Variants in IRF4 observed in about 807,000 individuals in gnomAD.
IRF4 encodes lymphocyte-specific interferon regulatory factor.
In IRF4, 13 loss-of-function variants were observed where a neutral mutation model predicts 55.5. The ratio of observed to expected loss-of-function variants is 0.23; its 90% CI spans 0.15 to 0.37. The LOEUF is 0.37. IRF4 is among the 10% of genes least tolerant of loss of function. The pLI, the probability that IRF4 is intolerant of heterozygous loss-of-function variation, is 1.00. For synonymous variants in IRF4, 249 were observed against 240.7 expected, an observed-to-expected ratio of 1.03 and a Z score of -0.32; for missense variants, 397 against 593.8, an observed-to-expected ratio of 0.67 and a Z score of 3.44.
intron 1 of IRF4, among the ~76,000 whole-genome samples, chr6:392,663 C>A (rs1453189423): frequency 1.3e-5 from 2 of 150,790 alleles, no homozygotes; most frequent in Non-Finnish European, 3.0e-5. Context: ...GTGGAGGCCG[C>A]CAGGGGAGTG....
At position 408,527 on chromosome 6, in the gene IRF4, A is replaced by G. The variant is rs992597476; in HGVS notation, c.*929A>G. The G allele has an allele frequency of 2.6e-5, 6 of 229,980 alleles. No individual in the cohort carries two copies. Among genetic ancestry groups the G allele is most frequent in the African/African-American group, 1.3e-4 (6 of 45,136 alleles). 14.2% of individuals were successfully genotyped at this position (229,980 alleles called of 1,614,324 possible). On this transcript the variant is annotated 3_prime_UTR_variant, in exon 9 of 9. Transcript: ENST00000380956. The stretch of plus-strand genomic sequence containing the variant: ...TCCTACAATCTAGTAATGTCTAAGT[A>G]ATGGTTAAGTTTTCTTGTTTCTGCA...
At position 393,859 on chromosome 6, in the gene IRF4, C is replaced by T. The variant is rs1308996339; in HGVS notation, c.216+491C>T. ...TGAGTCTCTCTCTCTCCATGTTTTT[C>T]CTGAGGTCAGCCTCTCTTCTCGCTC... On this transcript the variant is annotated intron_variant, in intron 2 of 8. Coordinates refer to ENST00000380956, the MANE Select transcript of IRF4 (RefSeq NM_002460.4). The surrounding 1 kb of genome is among the most constrained non-coding windows in gnomAD (Gnocchi z 5.4). 6.6e-6 allele frequency among the ~76,000 whole-genome samples: 1 copy of T among 152,064 alleles called. No individual in the cohort carries two copies. The highest frequency in any genetic ancestry group is 1.9e-4 in the East Asian group (1 of 5,186).
intron 8 of IRF4, among the ~76,000 whole-genome samples, chr6:405,872 T>C (rs189775852): frequency 1.3e-5 from 2 of 152,304 alleles, no homozygotes; most frequent in Admixed American, 1.3e-4. Context: ...CCTTAAGACT[T>C]TTGAATTTGA....
Position 393,122 on chromosome 6 carries a change from C to T in IRF4, c.-31C>T. ...GTGCAGAGCAGAGCGGGCGGAGGACCCCGGGCGCGGGCGCGGACGGCACGC... is the reference window on the plus strand; with the variant it reads ...GTGCAGAGCAGAGCGGGCGGAGGACTCCGGGCGCGGGCGCGGACGGCACGC... On this transcript the variant is annotated 5_prime_UTR_variant, in exon 2 of 9. Coordinates refer to ENST00000380956, the MANE Select transcript of IRF4 (RefSeq NM_002460.4). The surrounding 1 kb of genome is among the most constrained non-coding windows in gnomAD (Gnocchi z 5.4). 6.5e-7 allele frequency: 1 copy of T among 1,542,302 alleles called. No homozygotes were observed. The highest frequency in any genetic ancestry group is 8.8e-7 in the Non-Finnish European group (1 of 1,142,298).
intron 5 of IRF4, 50 bp downstream of exon 5, chr6:397,302 C>T: frequency 6.3e-7 from 1 of 1,599,232 alleles, no homozygotes; most frequent in African/African-American, 1.3e-5. Flanking sequence ...GCTAATGTGG[C>T]CATGGGCCAT....
Position 398,823 on chromosome 6 carries a change from T to C in IRF4, c.638-5T>C, listed in dbSNP as rs1761331300. The C allele has an allele frequency of 3.7e-6, 6 of 1,609,288 alleles. No individual in the cohort carries two copies. Among genetic ancestry groups the C allele is most frequent in the Non-Finnish European group, 5.1e-6 (6 of 1,175,928 alleles). On this transcript the variant is annotated splice_polypyrimidine_tract_variant and splice_region_variant and intron_variant, in intron 5 of 8. Transcript: ENST00000380956. The stretch of plus-strand genomic sequence containing the variant: ...ACATCATCTGATTTTTATTTGCAAA[T>C]GCAGGTTGCCAGGTGACAGGAACCT...
chr6:398,165 C>T (rs1457804073), intron 5 of IRF4, among the ~76,000 whole-genome samples: 1 of 152,210 alleles, frequency 6.6e-6, no homozygotes, highest in Non-Finnish European at 1.5e-5. Flanking sequence ...ATAAAACTAG[C>T]TCCTGAAATT....
chr6:406,782 C>T, intron 8 of IRF4: 1 of 1,210,888 alleles, frequency 8.3e-7, no homozygotes, highest in Non-Finnish European at 1.1e-6. Context: ...AGGAGTTTAG[C>T]TTAAGTCGTC....
intron 1 of IRF4, among the ~76,000 whole-genome samples, chr6:392,181 C>T (rs930021108): frequency 6.6e-6 from 1 of 152,264 alleles, no homozygotes; most frequent in African/African-American, 2.4e-5. Context: ...GAAACAGGCC[C>T]GGCCCTGTGG....
chr6:394,821 G>T lies in IRF4; in HGVS notation c.217G>T (p.Ala73Ser). ...NREEDAALFK[A>S]WALFKGKFRE... is the part of the protein sequence containing the mutation. ...CGTTCTCTTCATTCTTTCCCACCAG[G>T]CTTGGGCACTGTTTAAAGGAAAGTT... The change falls in exon 3 of 9, where the codon GCT becomes TCT. Residue 73 changes from alanine to serine, a missense_variant and splice_region_variant. By Grantham distance (99) the Ala-to-Ser change is moderately conservative (BLOSUM62 1). Around this residue, in one of 3 missense-constraint regions of IRF4, gnomAD observed 341 missense variants for 548.1 expected, o/e 0.62. Transcript: ENST00000380956. 6.2e-7 allele frequency: 1 copy of T among 1,611,814 alleles called. No individual in the cohort carries two copies. The highest frequency in any genetic ancestry group is 8.5e-7 in the Non-Finnish European group (1 of 1,179,282).
intron 1 of IRF4, chr6:392,026 C>T (rs1018597381): frequency 5.7e-6 from 2 of 351,908 alleles, no homozygotes; most frequent in Non-Finnish European, 1.1e-5. Context: ...TGGCTCTGCC[C>T]GAGCCTCCCC....
rs1761183807 is a variant in IRF4 at position 393,741 on chromosome 6, T to TC, written c.216+378dup. 6.6e-6 allele frequency among the ~76,000 whole-genome samples: 1 copy of TC among 152,082 alleles called. No homozygotes were observed. Among genetic ancestry groups the TC allele is most frequent in the South Asian group, 2.1e-4 (1 of 4,820 alleles). On this transcript the variant is annotated intron_variant, in intron 2 of 8. Coordinates refer to ENST00000380956, the MANE Select transcript of IRF4 (RefSeq NM_002460.4). The surrounding 1 kb of genome is among the most constrained non-coding windows in gnomAD (Gnocchi z 5.4). ...CCCGTCTGCCGCCTCCGTCCGTGGG[T>TC]CCCCCTCGCCCTCTCCGTGCGTCCG... is the stretch of plus-strand genomic sequence containing the variant.
intron 8 of IRF4, among the ~76,000 whole-genome samples, chr6:405,346 A>G (rs1166395906): frequency 6.6e-6 from 1 of 152,206 alleles, no homozygotes; most frequent in Non-Finnish European, 1.5e-5. Context: ...TCATCAAAGA[A>G]CCAGGGAGGA....
At chr6:395,972 C>CTG in intron 4 of IRF4, 37 bp downstream of exon 4, 1 of 1,522,846 alleles carries the variant, frequency 6.6e-7, no homozygotes, top group Admixed American at 1.7e-5. Flanking sequence ...GAGGGCGAGG[C>CTG]TGTGTGGGCC....
intron 7 of IRF4, among the ~76,000 whole-genome samples, chr6:403,339 G>T (rs1218055625): frequency 6.6e-6 from 1 of 152,264 alleles, no homozygotes; most frequent in Non-Finnish European, 1.5e-5. Context: ...GGAAGGCTAA[G>T]GCCCACTGGG....
chr6:403,897 C>A (rs1267463399), intron 7 of IRF4, among the ~76,000 whole-genome samples: 1 of 151,638 alleles, frequency 6.6e-6, no homozygotes, highest in Non-Finnish European at 1.5e-5. Flanking sequence ...TCTCAGATCA[C>A]GGCAGTGTGA....
intron 8 of IRF4, chr6:406,810 T>A (rs1466322006): frequency 1.7e-6 from 2 of 1,201,296 alleles, no homozygotes; most frequent in Non-Finnish European, 2.1e-6. Flanking sequence ...AAATACAGTC[T>A]CTAATATCAT....
chr6:404,343 A>C (rs1418021378), intron 7 of IRF4, among the ~76,000 whole-genome samples: 1 of 152,184 alleles, frequency 6.6e-6, no homozygotes, highest in Non-Finnish European at 1.5e-5. Context: ...GTATATCCAC[A>C]AGCGGGAGGC....
chr6:398,841 A>G lies in IRF4; in HGVS notation c.651A>G (p.Thr217=), dbSNP rs1761331949. Residue 217 remains threonine (T), a synonymous_variant, in exon 6 of 9, where the codon ACA becomes ACG. Transcript: ENST00000380956. ...TTGCAAATGCAGGTTGCCAGGTGACAGGAACCTTTTATGCTTGTGCCCCAC... is the reference window on the plus strand; with the variant it reads ...TTGCAAATGCAGGTTGCCAGGTGACGGGAACCTTTTATGCTTGTGCCCCAC... ...GPACENGCQV[T]GTFYACAPPE... The G allele has an allele frequency of 2.5e-6, 4 of 1,613,394 alleles. No homozygotes were observed. The highest frequency in any genetic ancestry group is 1.7e-4 in the Middle Eastern group (1 of 5,998).
Sources: gnomAD v4.1 joint callset for allele counts (sites outside exome capture counted in the v4.1 genomes callset) on GRCh38, gnomAD v4.1.1 for gene constraint, gnomAD v4.1.1 regional missense constraint, Gnocchi (gnomAD v3.1) non-coding constraint, MANE v1.5 for transcripts, NCBI Gene and HGNC (gene_info 2026-07-23, HGNC 2026-07-21) for gene names.